The following PTPN11 variants were observed in gnomAD, a reference collection of about 807,000 sequenced individuals.
The protein encoded by PTPN11 is tyrosine-protein phosphatase non-receptor type 11.
Under a neutral mutation model 78.8 loss-of-function variants are expected in PTPN11, and 6 were observed. The ratio of observed to expected loss-of-function variants is 0.08; its 90% confidence interval spans 0.04 to 0.15. PTPN11 has a LOEUF of 0.15. Among genes scored for constraint, PTPN11 ranks in the 10% least tolerant of loss-of-function variants. PTPN11 has a pLI of 1.00. For missense variants in PTPN11, 386 were observed against 744.8 expected (o/e 0.52, Z 5.61); for synonymous variants, 221 against 263.5 (o/e 0.84, Z 1.56).
At chr12:112,440,604 C>T (rs1269046554) in intron 1 of PTPN11, among the ~76,000 whole-genome samples, 7 of 103,842 alleles carry the variant, frequency 6.7e-5, no homozygotes, top group African/African-American at 1.5e-4. Context: ...GACAGAGTCT[C>T]GCTTTGTTGC....
In PTPN11 at chr12:112,450,137, G is replaced by C. The variant is rs7976467; in HGVS notation, c.138-181G>C. 0.04 allele frequency among the ~76,000 whole-genome samples: 6,129 copies of C among 151,576 alleles called. 266 individuals are homozygous for C. Among genetic ancestry groups the C allele is most frequent in the African/African-American group, 0.11 (4,511 of 41,324 alleles). ...GGTAAAGATACTAATAAAGACCTTTGTGTTGAGTTGGTTGACATGTGGTTA... is the reference window on the plus strand; with the variant it reads ...GGTAAAGATACTAATAAAGACCTTTCTGTTGAGTTGGTTGACATGTGGTTA... On this transcript the variant is annotated intron_variant, in intron 2 of 15. Transcript: ENST00000351677.
chr12:112,488,857 T>A (rs755969973), intron 12 of PTPN11, among the ~76,000 whole-genome samples, 167 bp from the exon 13 acceptor site: 2 of 152,202 alleles, frequency 1.3e-5, no homozygotes, highest in Non-Finnish European at 2.9e-5. Context: ...TCTTCTGGGA[T>A]CATTGGTATT....
intron 1 of PTPN11, among the ~76,000 whole-genome samples, chr12:112,435,840 A>G (rs1160015094): frequency 1.3e-5 from 2 of 152,140 alleles, no homozygotes; most frequent in Non-Finnish European, 2.9e-5. Flanking sequence ...ATGAGCTGTC[A>G]GTGATAATGG....
At chr12:112,455,323 C>T (rs913478279) in intron 5 of PTPN11, among the ~76,000 whole-genome samples, 2 of 148,142 alleles carry the variant, frequency 1.4e-5, no homozygotes, top group African/African-American at 2.5e-5. Flanking sequence ...GCAACCTCTG[C>T]GTCCCGGGTT....
At position 112,459,045 on chromosome 12, in the gene PTPN11, A is replaced by C. The variant is rs1453248634; in HGVS notation, c.756+2982A>C. ...CAGAACCTGTCCCAAAAAAAAAAAA[A>C]ATTGATGATAAACATAGTGAGACAG... On this transcript the variant is annotated intron_variant, in intron 6 of 15. Transcript: ENST00000351677. Among the ~76,000 whole-genome samples the C allele has an allele frequency of 2.0e-5, 3 of 152,110 alleles. No individual in the cohort carries two copies. The East Asian group carries it at 5.8e-4, about 29-fold the overall frequency.
intron 6 of PTPN11, among the ~76,000 whole-genome samples, chr12:112,469,040 G>T (rs928025716): frequency 2.6e-5 from 4 of 152,070 alleles, no homozygotes; most frequent in Non-Finnish European, 5.9e-5. Context: ...TTCCAGCCTG[G>T]GTGAGAGAGC....
intron 1 of PTPN11, among the ~76,000 whole-genome samples, chr12:112,442,854 A>ATG (rs1484043640): frequency 7.4e-5 from 7 of 95,184 alleles, no homozygotes; most frequent in Non-Finnish European, 1.2e-4. Context: ...ATATATATAT[A>ATG]TATATATATA....
At chr12:112,465,592 T>C (rs1425577685) in intron 6 of PTPN11, among the ~76,000 whole-genome samples, 1 of 152,106 alleles carries the variant, frequency 6.6e-6, no homozygotes, top group African/African-American at 2.4e-5. Flanking sequence ...CTTTCTTCTT[T>C]CCATTCATCT....
At chr12:112,445,639 C>CTTT (rs531888743) in intron 1 of PTPN11, among the ~76,000 whole-genome samples, 2 of 138,940 alleles carry the variant, frequency 1.4e-5, no homozygotes. Flanking sequence ...GAAACTTATT[C>CTTT]TTTTTTTTTT....
At chr12:112,432,155 A>G (rs1371666247) in intron 1 of PTPN11, among the ~76,000 whole-genome samples, 1 of 152,208 alleles carries the variant, frequency 6.6e-6, no homozygotes, top group Non-Finnish European at 1.5e-5. Flanking sequence ...ATTTTCCATT[A>G]ATCAGATAGA....
intron 7 of PTPN11, among the ~76,000 whole-genome samples, chr12:112,476,657 TACTC>T (rs1391822964): frequency 6.6e-6 from 1 of 152,100 alleles, no homozygotes; most frequent in Non-Finnish European, 1.5e-5. Context: ...TAATCCCAGT[TACTC>T]AGGAGGCTGA....
At chr12:112,481,809 A>G (rs1278426268) in intron 9 of PTPN11, among the ~76,000 whole-genome samples, 1 of 149,246 alleles carries the variant, frequency 6.7e-6, no homozygotes, top group Admixed American at 6.7e-5. Flanking sequence ...TTACAGATAA[A>G]CAAACATTGA....
At chr12:112,436,018 C>T (rs1272110237) in intron 1 of PTPN11, among the ~76,000 whole-genome samples, 1 of 151,734 alleles carries the variant, frequency 6.6e-6, no homozygotes, top group Non-Finnish European at 1.5e-5. Context: ...GACCCCATCT[C>T]TATTTTATAA....
At chr12:112,431,907 GA>G (rs1055723116) in intron 1 of PTPN11, among the ~76,000 whole-genome samples, 4 of 151,042 alleles carry the variant, frequency 2.6e-5, no homozygotes, top group African/African-American at 4.9e-5. Context: ...ACCTCTGTAG[GA>G]AAAAAAATAC....
intron 7 of PTPN11, among the ~76,000 whole-genome samples, chr12:112,473,651 A>G (rs890979821): frequency 1.3e-4 from 20 of 152,082 alleles, no homozygotes; most frequent in African/African-American, 4.8e-4. Flanking sequence ...GTTCAAGACC[A>G]GCCTGGCCAA....
At chr12:112,483,687 C>T (rs117245145) in intron 10 of PTPN11, among the ~76,000 whole-genome samples, 6 of 152,130 alleles carry the variant, frequency 3.9e-5, no homozygotes, top group Admixed American at 2.0e-4. Context: ...GTAGTGCAGC[C>T]GTCAGAGTAA....
chr12:112,461,100 G>A (rs916675321), intron 6 of PTPN11, among the ~76,000 whole-genome samples: 1 of 152,050 alleles, frequency 6.6e-6, no homozygotes, highest in Non-Finnish European at 1.5e-5. Context: ...TCTTTGGCAA[G>A]ATAGCATGTA....
chr12:112,491,716 T>C (rs2038746734), intron 13 of PTPN11, among the ~76,000 whole-genome samples: 1 of 152,152 alleles, frequency 6.6e-6, no homozygotes, highest in Admixed American at 6.5e-5. Context: ...CTTTTTTCTC[T>C]TTTTTTGAGA....
intron 1 of PTPN11, among the ~76,000 whole-genome samples, chr12:112,420,650 A>G (rs914256740): frequency 2.0e-5 from 3 of 152,216 alleles, no homozygotes. Context: ...CCTGAATGAG[A>G]TTTTTCAAAA....
Sources: gnomAD v4.1 joint callset for allele counts (sites outside exome capture counted in the v4.1 genomes callset) on GRCh38, gnomAD v4.1.1 for gene constraint, MANE v1.5 for transcripts, NCBI Gene and HGNC (gene_info 2026-07-23, HGNC 2026-07-21) for gene names.